Variants in BRCA1 observed in about 807,000 individuals in gnomAD.
BRCA1 encodes the protein BRCA1 DNA repair associated.
A neutral mutation model predicts 173.7 loss-of-function variants in BRCA1; 140 were observed. The observed-to-expected ratio is 0.81, with a 90% CI of 0.70 to 0.93. The LOEUF is 0.93. BRCA1 is among the 40% of genes least tolerant of loss of function. The pLI is 0.00. For missense variants in BRCA1, 1,983 were observed against 2,172.5 expected (o/e 0.91, Z 1.73); for synonymous variants, 662 against 756.0 (o/e 0.88, Z 2.04).
intron 2 of BRCA1, among the ~76,000 whole-genome samples, chr17:43,121,550 G>A (rs1162863940): frequency 6.6e-6 from 1 of 151,462 alleles, no homozygotes; most frequent in Admixed American, 6.6e-5. Flanking sequence ...TGGTGTGATG[G>A]CACATGCCTG....
At chr17:43,157,979 G>A (rs1394918289) in intron 1 of BRCA1, among the ~76,000 whole-genome samples, 4 of 139,280 alleles carry the variant, frequency 2.9e-5, no homozygotes, top group Non-Finnish European at 6.1e-5. Context: ...TGGGCAACAA[G>A]AGCGAAACTC....
At chr17:43,129,477 CTTTTTTTT>C (rs953609558), upstream of BRCA1, among the ~76,000 whole-genome samples, 3 of 148,720 alleles carry the variant, frequency 2.0e-5, no homozygotes, top group African/African-American at 7.4e-5. Context: ...TCTTTTTTTT[CTTTTTTTT>C]TTGAGACTGA....
intron 1 of BRCA1, among the ~76,000 whole-genome samples, chr17:43,151,738 TAAA>T (rs1192117735): frequency 6.6e-6 from 1 of 152,046 alleles, no homozygotes; most frequent in Non-Finnish European, 1.5e-5. Context: ...AAAAAATGTT[TAAA>T]AAAACTTAGC....
At chr17:43,123,516 A>AT (rs2055687096) in intron 2 of BRCA1, among the ~76,000 whole-genome samples, 1 of 151,834 alleles carries the variant, frequency 6.6e-6, no homozygotes, top group Admixed American at 6.6e-5. Flanking sequence ...CGCCCAGCTA[A>AT]TTTTTGTATT....
chr17:43,059,469 C>CACAACAACAACAACAACA (rs746155740), intron 18 of BRCA1, among the ~76,000 whole-genome samples: 247 of 147,546 alleles, frequency 1.7e-3, no homozygotes, highest in African/African-American at 5.7e-3. Flanking sequence ...GAGATGCTGT[C>CACAACAACAACAACAACA]ACAACAACAA....
intron 11 of BRCA1, among the ~76,000 whole-genome samples, chr17:43,088,720 A>G (rs2053326590): frequency 6.6e-6 from 1 of 152,242 alleles, no homozygotes; most frequent in African/African-American, 2.4e-5. Flanking sequence ...AAGAAGCCAC[A>G]GCAGGATGAA....
At chr17:43,082,633 A>C (rs2053075528) in intron 11 of BRCA1, 58 bp from the exon 12 acceptor site, 19 of 1,564,748 alleles carry the variant, frequency 1.2e-5, no homozygotes, top group African/African-American at 2.7e-5. Flanking sequence ...CTTTCCATTA[A>C]ATGAAAATAT....
chr17:43,079,105 C>T (rs952115326), intron 12 of BRCA1, among the ~76,000 whole-genome samples: 7 of 151,998 alleles, frequency 4.6e-5, no homozygotes, highest in Non-Finnish European at 7.4e-5. Flanking sequence ...GAGGCTGAGG[C>T]GGACATTGTA....
chr17:43,082,954 AG>A (rs1164935820), intron 11 of BRCA1, among the ~76,000 whole-genome samples: 1 of 152,196 alleles, frequency 6.6e-6, no homozygotes, highest in African/African-American at 2.4e-5. Context: ...CACATTTCAA[AG>A]ACTTGGTGTT....
Position 43,091,658 on chromosome 17 carries a change from A to C in BRCA1, c.3873T>G (p.Cys1291Trp), listed in dbSNP as rs1245187485. 6.2e-7 allele frequency: 1 copy of C among 1,614,196 alleles called. No individual in the cohort carries two copies. The highest frequency in any genetic ancestry group is 8.5e-7 in the Non-Finnish European group (1 of 1,180,022). ...QEHHLSEETK[C>W]SASLFSSQCS... is the part of the protein sequence containing the mutation. ...ACTGTGAAGAAAACAAGCTAGCAGA[A>C]CATTTTGTTTCCTCACTAAGGTGAT... is the stretch of plus-strand genomic sequence containing the variant. Residue 1291 changes from cysteine to tryptophan, a missense_variant, in exon 10 of 23, where the codon TGT becomes TGG. Transcript: ENST00000357654.
At chr17:43,073,637 T>TA (rs5820482) in intron 14 of BRCA1, among the ~76,000 whole-genome samples, 5 of 151,926 alleles carry the variant, frequency 3.3e-5, no homozygotes, top group East Asian at 1.9e-4. Flanking sequence ...CATTAACTCA[T>TA]AAAAAAAACT....
chr17:43,107,143 C>T (rs547915046), intron 3 of BRCA1, among the ~76,000 whole-genome samples: 2 of 148,556 alleles, frequency 1.3e-5, no homozygotes, highest in South Asian at 4.2e-4. Context: ...CGGCTCACTG[C>T]AAGCTCCACC....
chr17:43,122,880 A>AC (rs2055642488), intron 2 of BRCA1, among the ~76,000 whole-genome samples: 1 of 150,706 alleles, frequency 6.6e-6, no homozygotes, highest in African/African-American at 2.5e-5. Context: ...TCCCGCCTCT[A>AC]CTAAAAAAGA....
rs60450897 is a variant in BRCA1 at position 43,159,652 on chromosome 17, G to A, written c.-20+10474C>T. ...ACAGATACTTGAAGGCAGCATGCTCGTTAAGAGTCATCACCACTCCCTAAT... is the reference window on the plus strand; with the variant it reads ...ACAGATACTTGAAGGCAGCATGCTCATTAAGAGTCATCACCACTCCCTAAT... On this transcript the variant is annotated intron_variant, in intron 1 of 7. Coordinates refer to the BRCA1 transcript ENST00000634433. The A allele has an allele frequency of 1.3e-3, 334 of 262,396 alleles. 2 individuals carry two copies. The highest frequency in any genetic ancestry group is 7.2e-3 in the African/African-American group (306 of 42,696). The allele number at this position is 262,396 out of a possible 1,614,324, so 16.3% of individuals were successfully genotyped here.
chr17:43,066,769 T>C (rs376396892), intron 16 of BRCA1, among the ~76,000 whole-genome samples: 17 of 150,344 alleles, frequency 1.1e-4, no homozygotes, highest in African/African-American at 3.9e-4. Context: ...AGCAGGTAGA[T>C]AGGAGTTAAT....
chr17:43,051,183 A>C, intron 19 of BRCA1, 66 bp from the exon 20 acceptor site: 1 of 1,440,966 alleles, frequency 6.9e-7, no homozygotes, highest in Non-Finnish European at 9.8e-7. Context: ...TTATAAAAGA[A>C]TATTGGCTTT....
intron 1 of BRCA1, among the ~76,000 whole-genome samples, chr17:43,150,960 AGAG>A (rs2056157263): frequency 6.6e-6 from 1 of 152,184 alleles, no homozygotes; most frequent in African/African-American, 2.4e-5. Flanking sequence ...AGGTATGGCA[AGAG>A]TGAAGGCTTG....
At chr17:43,123,859 A>T (rs1169879456) in intron 2 of BRCA1, among the ~76,000 whole-genome samples, 158 bp downstream of exon 2, 1 of 152,218 alleles carries the variant, frequency 6.6e-6, no homozygotes, top group South Asian at 2.1e-4. Flanking sequence ...ATCATTTTCT[A>T]TATTTTTAAA....
At chr17:43,089,169 G>A (rs1033491206) in intron 11 of BRCA1, among the ~76,000 whole-genome samples, 1 of 151,990 alleles carries the variant, frequency 6.6e-6, no homozygotes, top group African/African-American at 2.4e-5. Flanking sequence ...ACAAAAAAAT[G>A]AGCTGGGTGT....
Sources: allele counts gnomAD v4.1 joint callset (sites outside exome capture counted in the v4.1 genomes callset), GRCh38; gene constraint gnomAD v4.1.1; transcripts MANE v1.5; gene names NCBI Gene and HGNC (gene_info 2026-07-23, HGNC 2026-07-21).